CHN1: variants seen among roughly 807,000 people sequenced by gnomAD.
CHN1 encodes chimerin 1.
Under a neutral mutation model 59.5 loss-of-function variants are expected in CHN1, and 37 were observed. That is an observed-to-expected ratio of 0.62 (90% CI 0.48 to 0.82). The LOEUF (loss-of-function observed/expected upper bound fraction) is 0.82. Among genes scored for constraint, CHN1 ranks in the 40% least tolerant of loss-of-function variants. The probability of loss-of-function intolerance (pLI) is 0.00; values close to 1 mark genes in which losing one functional copy is unlikely to be tolerated. For synonymous variants in CHN1, 206 were observed against 200.4 expected, an observed-to-expected ratio of 1.03 and a Z score of -0.24; for missense variants, 469 against 571.0, an observed-to-expected ratio of 0.82 and a Z score of 1.82.
At chr2:174,919,504 C>T (rs1688944291) in intron 3 of CHN1, among the ~76,000 whole-genome samples, 1 of 152,166 alleles carries the variant, frequency 6.6e-6, no homozygotes, top group African/African-American at 2.4e-5. Flanking sequence ...TTGCTATTTA[C>T]TATGTGTTTT....
intron 8 of CHN1, chr2:174,821,918 ATGT>A: frequency 3.8e-6 from 1 of 265,328 alleles, no homozygotes; most frequent in Non-Finnish European, 7.8e-6. Context: ...GGAACAAGGA[ATGT>A]TGTTCTGGGA....
chr2:174,807,446 C>CTGTGTGTGTGTGTGTG lies in CHN1; in HGVS notation c.1102+1443_1102+1458dup, dbSNP rs71031071. On this transcript the variant is annotated intron_variant, in intron 11 of 12. Coordinates refer to ENST00000409900, the MANE Select transcript of CHN1 (RefSeq NM_001822.7). The stretch of plus-strand genomic sequence containing the variant: ...GACTAGGCAGCTTTTCACGGGCTAT[C>CTGTGTGTGTGTGTGTG]TGTGTGTGTGTGTGTGTGTGTGTGT... Among the ~76,000 whole-genome samples, 127 of 83,844 alleles carry CTGTGTGTGTGTGTGTG rather than the reference C, an allele frequency of 1.5e-3. 3 individuals are homozygous for CTGTGTGTGTGTGTGTG. Among genetic ancestry groups the CTGTGTGTGTGTGTGTG allele is most frequent in the East Asian group, 3.9e-3 (9 of 2,330 alleles). 55.0% of individuals were successfully genotyped at this position (83,844 alleles called of 152,430 possible).
intron 3 of CHN1, among the ~76,000 whole-genome samples, chr2:174,937,514 C>T (rs1483063003): frequency 6.6e-6 from 1 of 152,142 alleles, no homozygotes; most frequent in Admixed American, 6.5e-5. Flanking sequence ...AAAACTATCA[C>T]CTTATCAATT....
chr2:174,809,036 T>C lies in CHN1; in HGVS notation c.971A>G (p.Glu324Gly). Residue 324 changes from glutamate (E) to glycine (G), a missense_variant, in exon 11 of 13, where the codon GAG becomes GGG. By Grantham distance (98) the Glu-to-Gly change is moderately conservative. This residue lies in a region of CHN1 where 225 missense variants were observed against 289.9 expected (regional missense o/e 0.78). Transcript: ENST00000409900. ...CATGTTCACAGAAATATCTGCCTTC[T>C]CACCATCTTTTAAGGATGTTGAAAG... ...DVKMAFDRDG[E>G]KADISVNMYE... is the part of the protein sequence containing the mutation. 1.2e-6 allele frequency: 2 copies of C among 1,606,426 alleles called. No homozygotes were observed. The highest frequency in any genetic ancestry group is 2.2e-5 in the South Asian group (2 of 89,202).
At chr2:174,898,359 T>G (rs1043238378) in intron 5 of CHN1, among the ~76,000 whole-genome samples, 7 of 151,186 alleles carry the variant, frequency 4.6e-5, no homozygotes, top group African/African-American at 7.3e-5. Context: ...CCCAGAACTT[T>G]GGGAAGCCAA....
At chr2:174,800,685 G>C (rs974805668) in intron 12 of CHN1, among the ~76,000 whole-genome samples, 1 of 152,190 alleles carries the variant, frequency 6.6e-6, no homozygotes. Context: ...GAGTAGTTTT[G>C]CAAGTAGACA....
intron 2 of CHN1, 29 bp from the exon 3 acceptor site, chr2:174,944,972 A>T: frequency 6.7e-7 from 1 of 1,502,428 alleles, no homozygotes; most frequent in Non-Finnish European, 9.1e-7. Flanking sequence ...AAAAAGTGTC[A>T]ATGTCCCTTA....
intron 1 of CHN1, among the ~76,000 whole-genome samples, chr2:174,978,867 T>C (rs550450015): frequency 7.9e-5 from 12 of 152,346 alleles, no homozygotes; most frequent in Admixed American, 5.9e-4. Flanking sequence ...ATTAGAATGA[T>C]AGCCAGACCT....
intron 1 of CHN1, among the ~76,000 whole-genome samples, chr2:174,982,456 C>T (rs1691186368): frequency 6.6e-6 from 1 of 152,138 alleles, no homozygotes; most frequent in African/African-American, 2.4e-5. Context: ...CTCTCCAGCG[C>T]CTGTTGTTTC....
chr2:174,808,317 CTT>C (rs1016515467), intron 11 of CHN1, among the ~76,000 whole-genome samples: 8 of 152,194 alleles, frequency 5.3e-5, no homozygotes, highest in African/African-American at 1.7e-4. Context: ...TAGTTTTGCT[CTT>C]GTTGCCCAGG....
chr2:174,841,626 A>G (rs1360996580), intron 7 of CHN1, among the ~76,000 whole-genome samples: 1 of 151,766 alleles, frequency 6.6e-6, no homozygotes, highest in Non-Finnish European at 1.5e-5. Flanking sequence ...GCATGTGTAC[A>G]ACAGAAATAC....
intron 5 of CHN1, among the ~76,000 whole-genome samples, chr2:174,886,287 T>C (rs1447500766): frequency 6.6e-6 from 1 of 152,246 alleles, no homozygotes; most frequent in Non-Finnish European, 1.5e-5. Flanking sequence ...ATATGTGGAA[T>C]ACAATTTAAC....
At chr2:174,904,576 C>T (rs560907507) in intron 5 of CHN1, among the ~76,000 whole-genome samples, 178 of 152,138 alleles carry the variant, frequency 1.2e-3, no homozygotes, top group Non-Finnish European at 1.9e-3. Flanking sequence ...TTAGTAGAGA[C>T]GGGGTTTCTC....
At chr2:174,950,583 C>A (rs1027999452) in intron 2 of CHN1, among the ~76,000 whole-genome samples, 1 of 151,738 alleles carries the variant, frequency 6.6e-6, no homozygotes, top group South Asian at 2.1e-4. Context: ...GCAAGACATG[C>A]GAGATATGTG....
In CHN1 at chr2:174,931,246, A is replaced by G. The variant is rs138141185; in HGVS notation, c.115-12681T>C. On this transcript the variant is annotated intron_variant, in intron 3 of 12. Transcript: ENST00000409900. ...TATAAAATGCTTCTATCTGCAAAGC[A>G]TATTATAAGTGTTAAATAACAGATT... 2.0e-5 allele frequency among the ~76,000 whole-genome samples: 3 copies of G among 152,232 alleles called. No individual in the cohort carries two copies. The East Asian group carries it at 5.8e-4, about 29-fold the overall frequency.
chr2:174,902,156 G>A (rs1464544351), intron 5 of CHN1, among the ~76,000 whole-genome samples: 1 of 151,978 alleles, frequency 6.6e-6, no homozygotes, highest in Non-Finnish European at 1.5e-5. Flanking sequence ...TTGTATATTT[G>A]TCAGGGAAAA....
At chr2:174,928,450 T>C (rs1370449131) in intron 3 of CHN1, among the ~76,000 whole-genome samples, 2 of 152,100 alleles carry the variant, frequency 1.3e-5, no homozygotes, top group African/African-American at 2.4e-5. Flanking sequence ...AATAAACACG[T>C]TAAAAGTTTA....
At chr2:174,881,239 G>C (rs902324577) in intron 5 of CHN1, among the ~76,000 whole-genome samples, 2 of 152,048 alleles carry the variant, frequency 1.3e-5, no homozygotes, top group Admixed American at 6.5e-5. Flanking sequence ...GCTTACATAA[G>C]ATCTCAGAGC....
At chr2:174,831,742 C>T (rs1389923574) in intron 7 of CHN1, among the ~76,000 whole-genome samples, 1 of 152,018 alleles carries the variant, frequency 6.6e-6, no homozygotes, top group Non-Finnish European at 1.5e-5. Flanking sequence ...CTGAATCATG[C>T]TCAAGGTTCA....
Sources: allele counts gnomAD v4.1 joint callset (sites outside exome capture counted in the v4.1 genomes callset), GRCh38; gene constraint gnomAD v4.1.1; regional missense constraint gnomAD v4.1.1; transcripts MANE v1.5; gene names NCBI Gene and HGNC (gene_info 2026-07-23, HGNC 2026-07-21).